Variants in BRAF observed in about 807,000 individuals in gnomAD.
BRAF encodes B-Raf proto-oncogene, serine/threonine kinase, also known as serine/threonine-protein kinase B-raf.
Under a neutral mutation model 104.6 loss-of-function variants are expected in BRAF, and 16 were observed. That is an observed-to-expected ratio of 0.15 (90% CI 0.10 to 0.23). BRAF has a LOEUF of 0.23. Ranked by LOEUF, BRAF falls within the 10% of genes least tolerant of loss-of-function variation. BRAF has a pLI of 1.00. For synonymous variants in BRAF, 310 were observed against 341.6 expected (o/e 0.91, Z 1.02); for missense variants, 541 against 937.3 (o/e 0.58, Z 5.52).
chr7:140,869,509 C>T (rs1217071056), intron 1 of BRAF, among the ~76,000 whole-genome samples: 2 of 151,866 alleles, frequency 1.3e-5, no homozygotes, highest in Admixed American at 6.6e-5. Flanking sequence ...GGCGGACACC[C>T]GTAATTCCAG....
chr7:140,790,406 T>C (rs1179035875), intron 8 of BRAF, among the ~76,000 whole-genome samples: 2 of 152,206 alleles, frequency 1.3e-5, no homozygotes, highest in African/African-American at 2.4e-5. Flanking sequence ...TCCCACTCTT[T>C]TGTAGTTCCT....
intron 16 of BRAF, among the ~76,000 whole-genome samples, chr7:140,749,876 AG>A (rs1797650352): frequency 6.6e-6 from 1 of 152,212 alleles, no homozygotes; most frequent in Admixed American, 6.5e-5. Flanking sequence ...TTCTCATCTG[AG>A]GACACCTTAG....
Position 140,912,193 on chromosome 7 carries a change from C to T in BRAF, c.138+12373G>A, listed in dbSNP as rs1026660648. On this transcript the variant is annotated intron_variant, in intron 1 of 19. Transcript: ENST00000644969. ...ATTGCCCATTAATTTTACTATTTGT[C>T]TCCAGTTCATTTATGCTCCCATACT... 3.3e-5 allele frequency among the ~76,000 whole-genome samples: 5 copies of T among 152,146 alleles called. 1 individual carries two copies. In the South Asian group the frequency reaches 1.0e-3, roughly 32 times the overall value.
At chr7:140,913,121 T>C (rs942020212) in intron 1 of BRAF, among the ~76,000 whole-genome samples, 5 of 152,218 alleles carry the variant, frequency 3.3e-5, no homozygotes, top group African/African-American at 1.2e-4. Context: ...GACCTCCCTA[T>C]TTAAATTGCT....
chr7:140,769,734 T>G (rs538123057), intron 14 of BRAF, among the ~76,000 whole-genome samples: 31 of 152,334 alleles, frequency 2.0e-4, no homozygotes, highest in African/African-American at 7.0e-4. Context: ...TAAAAAAATG[T>G]CCTTAATGTT....
intron 3 of BRAF, among the ~76,000 whole-genome samples, chr7:140,830,853 T>C (rs1586325099): frequency 6.6e-6 from 1 of 152,206 alleles, no homozygotes; most frequent in South Asian, 2.1e-4. Context: ...ATTTCTTCCA[T>C]CTGGCTGTTC....
intron 5 of BRAF, among the ~76,000 whole-genome samples, chr7:140,805,494 C>A (rs1319170099): frequency 6.6e-6 from 1 of 151,832 alleles, no homozygotes; most frequent in East Asian, 1.9e-4. Context: ...TGTAAGTATA[C>A]CTTTGTCAAT....
intron 1 of BRAF, among the ~76,000 whole-genome samples, chr7:140,904,061 G>GAATTA (rs1816001116): frequency 6.6e-6 from 1 of 152,210 alleles, no homozygotes; most frequent in African/African-American, 2.4e-5. Flanking sequence ...ATATTACATA[G>GAATTA]AATTAGTTGA....
rs992459746 is a variant in BRAF, at chr7:140,724,425, CAGA to C, written c.*2066_*2068del. 20 of 1,055,858 alleles carry C rather than the reference CAGA, an allele frequency of 1.9e-5. 1 individual carries two copies. The highest frequency in any genetic ancestry group is 1.4e-4 in the South Asian group (3 of 21,906). The allele number at this position is 1,055,858 out of a possible 1,614,324, so 65.4% of individuals were successfully genotyped here. A position where few individuals can be genotyped will look rare whatever the true frequency, so the allele number is the denominator to read the frequency against. On this transcript the variant is annotated 3_prime_UTR_variant, in exon 20 of 20. Transcript: ENST00000644969. ...TTTCAAGAGAGGCAGTATTATTGCA[CAGA>C]AGATGTTCTTCAAATCAGCGTGAAT...
chr7:140,815,925 A>C (rs1353821058), intron 3 of BRAF, among the ~76,000 whole-genome samples: 2 of 152,222 alleles, frequency 1.3e-5, no homozygotes, highest in South Asian at 4.1e-4. Context: ...AGGATTTATA[A>C]AGGTGACATT....
At chr7:140,769,697 C>T (rs946720950) in intron 14 of BRAF, among the ~76,000 whole-genome samples, 2 of 152,070 alleles carry the variant, frequency 1.3e-5, no homozygotes, top group Non-Finnish European at 2.9e-5. Flanking sequence ...AACATGTTTC[C>T]AATTTTTCAA....
chr7:140,886,821 A>G (rs373781642), intron 1 of BRAF, among the ~76,000 whole-genome samples: 58 of 152,320 alleles, frequency 3.8e-4, no homozygotes, highest in African/African-American at 1.3e-3. Context: ...GATTGCAGAG[A>G]CCACATCTAA....
intron 19 of BRAF, chr7:140,731,933 A>AT (rs1795997229): frequency 6.6e-6 from 1 of 151,782 alleles, no homozygotes; most frequent in Admixed American, 6.6e-5. Context: ...GCACTTTGGG[A>AT]GGCCGAGGCG....
intron 19 of BRAF, among the ~76,000 whole-genome samples, chr7:140,726,973 T>G (rs1795630791): frequency 6.6e-6 from 1 of 152,216 alleles, no homozygotes. Context: ...AGAGGTCAAC[T>G]GATTTGTTCA....
intron 8 of BRAF, among the ~76,000 whole-genome samples, chr7:140,788,836 A>C (rs1044380859): frequency 1.6e-4 from 24 of 151,598 alleles, no homozygotes; most frequent in African/African-American, 5.1e-4. Context: ...TGATCCGTCC[A>C]CCTCAGCCTC....
chr7:140,903,177 C>A (rs565027626), intron 1 of BRAF, among the ~76,000 whole-genome samples: 1 of 152,092 alleles, frequency 6.6e-6, no homozygotes, highest in Non-Finnish European at 1.5e-5. Flanking sequence ...CCGCCCACCT[C>A]GGCCTCCCAA....
intron 17 of BRAF, chr7:140,740,281 A>C (rs1485339577): frequency 4.7e-6 from 1 of 213,700 alleles, no homozygotes; most frequent in Non-Finnish European, 9.5e-6. Context: ...TTTAAAAAAA[A>C]AAAAAATTTA....
intron 17 of BRAF, 183 bp from the exon 17 acceptor site, chr7:140,740,129 T>G: frequency 1.6e-6 from 1 of 619,324 alleles, no homozygotes; most frequent in Non-Finnish European, 2.8e-6. Context: ...ACAAAAGGAG[T>G]GCAAGCTCAA....
intron 3 of BRAF, among the ~76,000 whole-genome samples, chr7:140,816,514 C>T (rs1586270318): frequency 6.6e-6 from 1 of 152,068 alleles, no homozygotes; most frequent in Non-Finnish European, 1.5e-5. Flanking sequence ...ACATTTCCTG[C>T]TTGATTATAG....
Sources: gnomAD v4.1 joint callset for allele counts (sites outside exome capture counted in the v4.1 genomes callset) on GRCh38, gnomAD v4.1.1 for gene constraint, MANE v1.5 for transcripts, NCBI Gene and HGNC (gene_info 2026-07-23, HGNC 2026-07-21) for gene names.